The following VDR variants were observed in gnomAD, a reference collection of about 807,000 sequenced individuals.
VDR encodes vitamin D3 receptor.
In VDR, 19 loss-of-function variants were observed where a neutral mutation model predicts 39.7. That is an observed-to-expected ratio of 0.48 (90% CI 0.33 to 0.70). The LOEUF (loss-of-function observed/expected upper bound fraction) is 0.70, where lower values mean the gene tolerates loss of function less well. VDR is among the 30% of genes least tolerant of loss of function. The pLI is 0.02. For missense variants in VDR, 442 were observed against 570.5 expected (o/e 0.77, Z 2.29); for synonymous variants, 242 against 215.8 (o/e 1.12, Z -1.07).
intron 7 of VDR, among the ~76,000 whole-genome samples, chr12:47,850,152 C>A (rs191763490): frequency 1.3e-5 from 2 of 152,220 alleles, no homozygotes; most frequent in Admixed American, 6.5e-5. Context: ...GTGCCTGGCA[C>A]CTTCCTGTCT....
chr12:47,858,817 G>A (rs1945550133), intron 4 of VDR, among the ~76,000 whole-genome samples: 1 of 152,238 alleles, frequency 6.6e-6, no homozygotes. Context: ...TGAGTTCCAG[G>A]CTTTGAGAAA....
intron 4 of VDR, among the ~76,000 whole-genome samples, chr12:47,862,287 T>C (rs1945642202): frequency 1.3e-5 from 2 of 152,192 alleles, no homozygotes; most frequent in Admixed American, 1.3e-4. Flanking sequence ...TCTTAGAGCA[T>C]GTGAAAGTGC....
intron 3 of VDR, among the ~76,000 whole-genome samples, chr12:47,865,562 C>A (rs918552594): frequency 6.6e-6 from 1 of 152,068 alleles, no homozygotes; most frequent in Admixed American, 6.5e-5. Context: ...CAGGTGCATA[C>A]CACCATGCCT....
chr12:47,843,731 C>T lies in VDR; in HGVS notation c.*1015G>A, dbSNP rs1380197871. The T allele has an allele frequency of 6.6e-6, 1 of 152,340 alleles. No homozygotes were observed. Among genetic ancestry groups the T allele is most frequent in the Admixed American group, 6.5e-5 (1 of 15,290 alleles). The allele number at this position is 152,340 out of a possible 1,614,324, so 9.4% of individuals were successfully genotyped here. On this transcript the variant is annotated 3_prime_UTR_variant, in exon 10 of 10. Coordinates refer to ENST00000549336, the MANE Select transcript of VDR (RefSeq NM_000376.3). ...CTTAGCCCTGTGGGTGAACAGCGGC[C>T]TTGCAACCACATTGAGGCGGCAGGG...
chr12:47,883,788 G>GA (rs770563960), intron 1 of VDR, among the ~76,000 whole-genome samples: 3 of 152,242 alleles, frequency 2.0e-5, no homozygotes, highest in Non-Finnish European at 2.9e-5. Flanking sequence ...AAGCAGGGAA[G>GA]GGGGAGAGCT....
At position 47,844,743 on chromosome 12, in the gene VDR, T is replaced by G. The variant is rs1178503419; in HGVS notation, c.*3A>C. On this transcript the variant is annotated 3_prime_UTR_variant, in exon 10 of 10. Coordinates refer to ENST00000549336, the MANE Select transcript of VDR (RefSeq NM_000376.3). ...ACCCAGGCACCGCCACAGGCTGTCC[T>G]AGTCAGGAGATCTCATTGCCAAACA... 1.2e-6 allele frequency: 2 copies of G among 1,613,948 alleles called. No individual in the cohort carries two copies. Among genetic ancestry groups the G allele is most frequent in the Non-Finnish European group, 1.7e-6 (2 of 1,179,962 alleles).
intron 4 of VDR, among the ~76,000 whole-genome samples, chr12:47,858,371 A>G (rs917377669): frequency 6.6e-6 from 1 of 152,256 alleles, no homozygotes; most frequent in Non-Finnish European, 1.5e-5. Flanking sequence ...TAGAAAGACT[A>G]GACCTCTTTG....
chr12:47,882,506 A>G (rs1321684911), intron 2 of VDR, 188 bp downstream of exon 2: 2 of 576,760 alleles, frequency 3.5e-6, no homozygotes, highest in Non-Finnish European at 6.0e-6. Flanking sequence ...CCTTCTCTGA[A>G]CTCCCACCCG....
At chr12:47,894,435 T>C (rs535919149) in intron 1 of VDR, among the ~76,000 whole-genome samples, 1 of 152,364 alleles carries the variant, frequency 6.6e-6, no homozygotes, top group South Asian at 2.1e-4. Flanking sequence ...TTCCTCTGAC[T>C]GGGCTGGGCC....
chr12:47,895,423 G>T (rs1033717104), intron 1 of VDR, among the ~76,000 whole-genome samples: 1 of 152,200 alleles, frequency 6.6e-6, no homozygotes, highest in Non-Finnish European at 1.5e-5. Flanking sequence ...AGGGGAGAAA[G>T]GAAAGGAGGG....
chr12:47,899,647 C>A (rs890595724), intron 1 of VDR, among the ~76,000 whole-genome samples: 6 of 152,222 alleles, frequency 3.9e-5, no homozygotes, highest in African/African-American at 1.4e-4. Context: ...GTGGGGCAGG[C>A]TGAGCATTTT....
chr12:47,859,928 T>C (rs867241119), intron 4 of VDR, among the ~76,000 whole-genome samples: 1,332 of 78,638 alleles, frequency 0.017, 59 homozygotes, highest in East Asian at 0.11. Context: ...TTTCTTTTTC[T>C]TTCTTTCTTT....
In VDR at chr12:47,846,628, A is replaced by T. The variant is rs1410892583; in HGVS notation, c.907+29T>A. 3.7e-6 allele frequency: 6 copies of T among 1,611,730 alleles called. No homozygotes were observed. In the African/African-American group the frequency reaches 8.1e-5, roughly 22 times the overall value. Reference sequence around the variant, plus strand: ...AGCCAGAATCTGGGAGCTGAAAAAGACTCCCCAGGAGGTGGAGTCTAGGCA... The same window carrying T: ...AGCCAGAATCTGGGAGCTGAAAAAGTCTCCCCAGGAGGTGGAGTCTAGGCA... On this transcript the variant is annotated intron_variant, in intron 8 of 9. Transcript: ENST00000549336.
intron 1 of VDR, 192 bp from the exon 2 acceptor site, chr12:47,882,966 C>A: frequency 1.9e-6 from 1 of 532,556 alleles, no homozygotes; most frequent in Non-Finnish European, 3.3e-6. Flanking sequence ...GGCGGCTGGG[C>A]AGCAGCCAGG....
At chr12:47,856,805 A>G (rs918074306) in intron 6 of VDR, among the ~76,000 whole-genome samples, 1 of 152,092 alleles carries the variant, frequency 6.6e-6, no homozygotes, top group African/African-American at 2.4e-5. Context: ...GCCCAGGATT[A>G]AAATATCACG....
At position 47,882,717 on chromosome 12, in the gene VDR, G is replaced by A. The variant is rs1305552168; in HGVS notation, c.-26C>T. ...ACCTGAAGGAGCAGGGGGCAGGTAA[G>A]TGGAGCCCAGGGGTGCTCTTCTGTG... On this transcript the variant is annotated 5_prime_UTR_variant, in exon 2 of 10. Coordinates refer to ENST00000549336, the MANE Select transcript of VDR (RefSeq NM_000376.3). The A allele has an allele frequency of 2.0e-6, 3 of 1,526,352 alleles. No individual in the cohort carries two copies. Among genetic ancestry groups the A allele is most frequent in the Admixed American group, 2.0e-5 (1 of 49,844 alleles). 94.6% of individuals were successfully genotyped at this position (1,526,352 alleles called of 1,614,324 possible).
intron 1 of VDR, chr12:47,904,431 G>T: frequency 1.6e-6 from 1 of 636,392 alleles, no homozygotes; most frequent in Non-Finnish European, 2.4e-6. Context: ...GGGCCAATTA[G>T]GTCTAAACTC....
intron 1 of VDR, chr12:47,904,465 A>AAAAG: frequency 2.1e-6 from 1 of 466,276 alleles, no homozygotes; most frequent in South Asian, 4.6e-5. Context: ...AGAAAAGTAA[A>AAAAG]AAAAAAAAAA....
At chr12:47,880,602 C>A (rs74085267) in intron 2 of VDR, among the ~76,000 whole-genome samples, 1,602 of 152,256 alleles carry the variant, frequency 0.011, 27 homozygotes, top group African/African-American at 0.033. Context: ...CCCAAAGGGA[C>A]AGAGGGAATC....
Sources: allele counts gnomAD v4.1 joint callset (sites outside exome capture counted in the v4.1 genomes callset), GRCh38; gene constraint gnomAD v4.1.1; transcripts MANE v1.5; gene names NCBI Gene and HGNC (gene_info 2026-07-23, HGNC 2026-07-21).